UBE3A: variants seen among roughly 807,000 people sequenced by gnomAD.
The protein encoded by UBE3A is ubiquitin protein ligase E3A.
Under a neutral mutation model 83.4 loss-of-function variants are expected in UBE3A, and 6 were observed. That is an observed-to-expected ratio of 0.07 (90% confidence interval 0.04 to 0.14). The LOEUF (loss-of-function observed/expected upper bound fraction) is 0.14. UBE3A is among the 10% of genes least tolerant of loss of function. The pLI is 1.00. For missense variants in UBE3A, 456 were observed against 1,036.1 expected, an observed-to-expected ratio of 0.44 and a Z score of 7.69; for synonymous variants, 337 against 355.4, an observed-to-expected ratio of 0.95 and a Z score of 0.58.
chr15:25,341,759 C>CA (rs760767983), intron 11 of UBE3A, among the ~76,000 whole-genome samples: 1,449 of 27,538 alleles, frequency 0.053, 14 homozygotes, highest in Non-Finnish European at 0.083. Context: ...TGAGCCATCT[C>CA]AAAAAAAAAA....
At chr15:25,356,307 T>G (rs1282332007) in intron 8 of UBE3A, among the ~76,000 whole-genome samples, 3 of 148,976 alleles carry the variant, frequency 2.0e-5, no homozygotes, top group African/African-American at 2.5e-5. Context: ...CTGTGCTCTA[T>G]GAGAAATTCT....
At chr15:25,411,227 C>T (rs2089931039) in intron 2 of UBE3A, among the ~76,000 whole-genome samples, 1 of 152,196 alleles carries the variant, frequency 6.6e-6, no homozygotes, top group African/African-American at 2.4e-5. Context: ...ATAATAGTAC[C>T]TATTCCATAG....
At chr15:25,437,571 C>T (rs995844260) in intron 1 of UBE3A, among the ~76,000 whole-genome samples, 22 of 152,152 alleles carry the variant, frequency 1.4e-4, no homozygotes, top group African/African-American at 5.1e-4. Flanking sequence ...CTGTAAACCC[C>T]ATATGCTATT....
chr15:25,378,041 T>A (rs574484280), intron 4 of UBE3A, among the ~76,000 whole-genome samples: 14 of 152,274 alleles, frequency 9.2e-5, no homozygotes, highest in Admixed American at 8.5e-4. Flanking sequence ...AGGATGCTAC[T>A]TGCATATTAA....
intron 3 of UBE3A, 104 bp downstream of exon 3, chr15:25,408,984 T>C: frequency 8.1e-7 from 1 of 1,227,992 alleles, no homozygotes; most frequent in South Asian, 1.4e-5. Flanking sequence ...GGCCCACTAT[T>C]CTTAGCAGTA....
chr15:25,434,079 A>C (rs934950997), intron 1 of UBE3A, among the ~76,000 whole-genome samples: 62 of 152,084 alleles, frequency 4.1e-4, no homozygotes, highest in Admixed American at 1.9e-3. Context: ...ATAAACAATA[A>C]GTAAAATAAA....
chr15:25,432,527 C>T (rs28658030), intron 1 of UBE3A, among the ~76,000 whole-genome samples: 7,781 of 152,222 alleles, frequency 0.051, 681 homozygotes, highest in African/African-American at 0.18. Context: ...AAAGGAACAT[C>T]CTGAATTGCT....
chr15:25,398,610 TTCC>T (rs1445546417), intron 4 of UBE3A, among the ~76,000 whole-genome samples: 2 of 151,530 alleles, frequency 1.3e-5, no homozygotes, highest in African/African-American at 4.8e-5. Context: ...ATGACAGCAT[TTCC>T]TCCTTTTTAT....
At position 25,397,578 on chromosome 15, in the gene UBE3A, T is replaced by G. The variant is rs2085878046; in HGVS notation, c.62+7883A>C. ...AAGCCTGGCTCCTCCCCAAAGGCAC[T>G]GCCTATCATGCAACCCTTTTATGTG... On this transcript the variant is annotated intron_variant, in intron 4 of 12. Coordinates refer to ENST00000648336, the MANE Select transcript of UBE3A (RefSeq NM_130839.5). Among the ~76,000 whole-genome samples the G allele has an allele frequency of 2.0e-5, 3 of 152,290 alleles. No individual in the cohort carries two copies. The South Asian group carries it at 6.2e-4, about 32-fold the overall frequency.
At chr15:25,429,566 A>T (rs1447984206) in intron 1 of UBE3A, among the ~76,000 whole-genome samples, 1 of 152,180 alleles carries the variant, frequency 6.6e-6, no homozygotes, top group African/African-American at 2.4e-5. Context: ...AATATGATAC[A>T]GGCTGGACGC....
intron 4 of UBE3A, among the ~76,000 whole-genome samples, chr15:25,393,069 G>A (rs1307748803): frequency 1.3e-5 from 2 of 152,114 alleles, no homozygotes; most frequent in Admixed American, 6.5e-5. Context: ...CAGGTTAAGT[G>A]ACTGACAAAA....
chr15:25,396,924 T>C lies in UBE3A; in HGVS notation c.62+8537A>G, dbSNP rs76319509. Among the ~76,000 whole-genome samples the C allele has an allele frequency of 7.6e-3, 1,157 of 152,290 alleles. 8 individuals carry two copies. Among genetic ancestry groups the C allele is most frequent in the Admixed American group, 0.01 (154 of 15,304 alleles). On this transcript the variant is annotated intron_variant, in intron 4 of 12. Coordinates refer to ENST00000648336, the MANE Select transcript of UBE3A (RefSeq NM_130839.5). ...GGCGTTACTTAAAATATCAAATGCA[T>C]GTCAAAGTACAAACAACAAAATCAT...
At chr15:25,362,348 T>C (rs2078250580) in intron 6 of UBE3A, among the ~76,000 whole-genome samples, 1 of 152,208 alleles carries the variant, frequency 6.6e-6, no homozygotes, top group Non-Finnish European at 1.5e-5. Flanking sequence ...TTTTAGACAA[T>C]GTTTTGTTAT....
At chr15:25,420,213 T>C (rs1889084211) in intron 1 of UBE3A, among the ~76,000 whole-genome samples, 1 of 152,148 alleles carries the variant, frequency 6.6e-6, no homozygotes, top group South Asian at 2.1e-4. Flanking sequence ...GATACACTAA[T>C]ATCAAAGTAG....
chr15:25,422,580 T>C (rs1309326858), intron 1 of UBE3A, among the ~76,000 whole-genome samples: 1 of 152,058 alleles, frequency 6.6e-6, no homozygotes, highest in Non-Finnish European at 1.5e-5. Context: ...GCAATCCAGA[T>C]CTAAACCATA....
chr15:25,410,740 T>G (rs1487171976), intron 2 of UBE3A, among the ~76,000 whole-genome samples: 1 of 152,160 alleles, frequency 6.6e-6, no homozygotes, highest in African/African-American at 2.4e-5. Flanking sequence ...GGGATTCCAA[T>G]AAATGGGATT....
intron 4 of UBE3A, among the ~76,000 whole-genome samples, chr15:25,387,292 C>T (rs1208605302): frequency 9.2e-5 from 14 of 152,096 alleles, no homozygotes; most frequent in Admixed American, 1.3e-4. Flanking sequence ...GAGGCTGAGG[C>T]GGGTGGATCA....
intron 4 of UBE3A, among the ~76,000 whole-genome samples, chr15:25,397,401 T>TC (rs1190790513): frequency 6.6e-6 from 1 of 152,098 alleles, no homozygotes; most frequent in Non-Finnish European, 1.5e-5. Flanking sequence ...AATGCAAGCT[T>TC]CATCTATCCT....
Position 25,405,501 on chromosome 15 carries a change from A to T in UBE3A, c.22T>A (p.Ser8Thr), listed in dbSNP as rs2088286540. 3 of 1,613,898 alleles carry T rather than the reference A, an allele frequency of 1.9e-6. No individual in the cohort carries two copies. The highest frequency in any genetic ancestry group is 2.5e-6 in the Non-Finnish European group (3 of 1,179,856). Residue 8 changes from serine to threonine, a missense_variant and splice_region_variant, in exon 4 of 13, where the codon TCA becomes ACA. Ser to Thr is a moderately conservative substitution (Grantham distance 58). Around this residue, in one of 13 missense-constraint regions of UBE3A, gnomAD observed 23 missense variants for 18.6 expected, o/e 1.24. Transcript: ENST00000648336. The part of the protein sequence containing the change: MATACKR[S>T]GEPQSDDIEA... ...ATGTCGTCAGACTGAGGTTCTCCTGATCTGTAAAATGCAATTGAGAAACAG... is the reference window on the plus strand; with the variant it reads ...ATGTCGTCAGACTGAGGTTCTCCTGTTCTGTAAAATGCAATTGAGAAACAG...
Sources: gnomAD v4.1 joint callset for allele counts (sites outside exome capture counted in the v4.1 genomes callset) on GRCh38, gnomAD v4.1.1 for gene constraint, gnomAD v4.1.1 regional missense constraint, MANE v1.5 for transcripts, NCBI Gene and HGNC (gene_info 2026-07-23, HGNC 2026-07-21) for gene names.